The following CRPPA variants were observed in gnomAD, a reference collection of about 807,000 sequenced individuals.
CRPPA encodes CDP-L-ribitol pyrophosphorylase A, also known as D-ribitol-5-phosphate cytidylyltransferase.
A neutral mutation model predicts 52.0 loss-of-function variants in CRPPA; 43 were observed. That is an observed-to-expected ratio of 0.83 (90% CI 0.65 to 1.07). The LOEUF is 1.07. CRPPA is among the 50% of genes least tolerant of loss of function. The pLI, the probability that CRPPA is intolerant of heterozygous loss-of-function variation, is 0.00. For missense variants in CRPPA, 629 were observed against 551.7 expected, an observed-to-expected ratio of 1.14 and a Z score of -1.40; for synonymous variants, 250 against 203.5, an observed-to-expected ratio of 1.23 and a Z score of -1.94.
At chr7:16,255,399 T>C (rs1478409638) in intron 8 of CRPPA, among the ~76,000 whole-genome samples, 2 of 152,128 alleles carry the variant, frequency 1.3e-5, no homozygotes, top group South Asian at 2.1e-4. Flanking sequence ...GCTATCCCCA[T>C]CAAGTTACCA....
intron 1 of CRPPA, among the ~76,000 whole-genome samples, chr7:16,408,747 A>G (rs545521908): frequency 6.6e-6 from 1 of 152,328 alleles, no homozygotes; most frequent in East Asian, 1.9e-4. Context: ...ATTTTGAAAT[A>G]TGGAGATGGT....
At chr7:16,358,592 C>T (rs1180318667) in intron 3 of CRPPA, among the ~76,000 whole-genome samples, 1 of 152,116 alleles carries the variant, frequency 6.6e-6, no homozygotes, top group East Asian at 1.9e-4. Context: ...TCTGTCATTA[C>T]TAGGAATCAA....
intron 6 of CRPPA, among the ~76,000 whole-genome samples, chr7:16,266,932 C>A (rs1173517040): frequency 1.3e-5 from 2 of 152,126 alleles, no homozygotes; most frequent in Non-Finnish European, 2.9e-5. Context: ...GGCATTAACT[C>A]ATATATCATG....
At chr7:16,358,045 G>A (rs904696293) in intron 3 of CRPPA, among the ~76,000 whole-genome samples, 27 of 152,358 alleles carry the variant, frequency 1.8e-4, no homozygotes, top group African/African-American at 6.5e-4. Context: ...CCAGCAAAAT[G>A]AGGCTGGCAG....
At chr7:16,125,357 GC>G (rs1263742663) in intron 9 of CRPPA, among the ~76,000 whole-genome samples, 1 of 149,292 alleles carries the variant, frequency 6.7e-6, no homozygotes, top group African/African-American at 2.5e-5. Context: ...TTTCTCCCTT[GC>G]CCCCCAGTCA....
intron 5 of CRPPA, among the ~76,000 whole-genome samples, chr7:16,285,352 C>T (rs1220511523): frequency 6.6e-6 from 1 of 152,084 alleles, no homozygotes; most frequent in Non-Finnish European, 1.5e-5. Flanking sequence ...GTCAACTTGA[C>T]TGATATTAGA....
intron 3 of CRPPA, among the ~76,000 whole-genome samples, chr7:16,321,521 G>C (rs762410208): frequency 6.6e-6 from 1 of 152,016 alleles, no homozygotes; most frequent in Non-Finnish European, 1.5e-5. Flanking sequence ...CATACAAGGA[G>C]AACCATTACA....
chr7:16,404,530 G>A (rs980178391), intron 2 of CRPPA, among the ~76,000 whole-genome samples: 3 of 151,132 alleles, frequency 2.0e-5, no homozygotes, highest in Non-Finnish European at 4.4e-5. Flanking sequence ...AATACTTTCT[G>A]CTTATTACTC....
At chr7:16,149,008 C>G (rs1277876077) in intron 9 of CRPPA, among the ~76,000 whole-genome samples, 1 of 152,102 alleles carries the variant, frequency 6.6e-6, no homozygotes, top group Non-Finnish European at 1.5e-5. Flanking sequence ...AATATGTTTT[C>G]TACTCTGAAA....
chr7:16,115,557 T>C (rs528395130), intron 9 of CRPPA, among the ~76,000 whole-genome samples: 33 of 152,272 alleles, frequency 2.2e-4, no homozygotes, highest in African/African-American at 7.9e-4. Flanking sequence ...ACATGCAAGG[T>C]GCAATGAGCA....
intron 9 of CRPPA, among the ~76,000 whole-genome samples, chr7:16,152,969 T>C (rs1783105797): frequency 6.6e-6 from 1 of 152,080 alleles, no homozygotes; most frequent in South Asian, 2.1e-4. Context: ...TTGTTCAGCA[T>C]AAATTTTACT....
At chr7:16,284,714 T>G (rs139831692) in intron 5 of CRPPA, among the ~76,000 whole-genome samples, 70 of 152,248 alleles carry the variant, frequency 4.6e-4, no homozygotes, top group African/African-American at 1.7e-3. Flanking sequence ...CTCGTTCTCA[T>G]TGTTTACATC....
chr7:16,244,330 A>T (rs550238004), intron 8 of CRPPA, among the ~76,000 whole-genome samples: 50 of 152,306 alleles, frequency 3.3e-4, no homozygotes, highest in African/African-American at 1.2e-3. Flanking sequence ...AGAACCTAAA[A>T]ATAAAATCCA....
At chr7:16,320,855 T>C (rs1450643534) in intron 3 of CRPPA, among the ~76,000 whole-genome samples, 1 of 152,126 alleles carries the variant, frequency 6.6e-6, no homozygotes, top group Non-Finnish European at 1.5e-5. Flanking sequence ...CTCATATCAG[T>C]CATTTTATGA....
chr7:16,217,466 G>A (rs1246056071), intron 8 of CRPPA, among the ~76,000 whole-genome samples: 2 of 140,814 alleles, frequency 1.4e-5, no homozygotes, highest in South Asian at 4.8e-4. Flanking sequence ...GCTGAGAGAA[G>A]AAGGCTTCAG....
intron 9 of CRPPA, among the ~76,000 whole-genome samples, chr7:16,140,695 AT>A (rs1049346505): frequency 5.9e-5 from 9 of 152,120 alleles, no homozygotes; most frequent in African/African-American, 2.2e-4. Flanking sequence ...TCAGGTTTGA[AT>A]TTTTTGCAGA....
At chr7:16,195,919 C>T (rs925305751) in intron 9 of CRPPA, among the ~76,000 whole-genome samples, 1 of 152,250 alleles carries the variant, frequency 6.6e-6, no homozygotes, top group East Asian at 1.9e-4. Flanking sequence ...GCCAACCCCC[C>T]TTCCCCACAG....
intron 3 of CRPPA, among the ~76,000 whole-genome samples, chr7:16,351,230 C>A (rs952200473): frequency 6.6e-6 from 1 of 152,014 alleles, no homozygotes; most frequent in African/African-American, 2.4e-5. Flanking sequence ...AAACTTAAGC[C>A]CTTCTTTAAA....
intron 9 of CRPPA, among the ~76,000 whole-genome samples, chr7:16,212,972 T>TG (rs1410172832): frequency 6.6e-6 from 1 of 152,248 alleles, no homozygotes; most frequent in Non-Finnish European, 1.5e-5. Context: ...ATAAAACTGC[T>TG]TACAGCACTT....
Sources: allele counts gnomAD v4.1 joint callset (sites outside exome capture counted in the v4.1 genomes callset), GRCh38; gene constraint gnomAD v4.1.1; transcripts MANE v1.5; gene names NCBI Gene and HGNC (gene_info 2026-07-23, HGNC 2026-07-21).